SELE: variants seen among roughly 807,000 people sequenced by gnomAD.
The protein encoded by SELE is selectin E.
SELE carries 52 observed loss-of-function variants against 75.8 expected under a neutral mutation model. The ratio of observed to expected loss-of-function variants is 0.69; its 90% CI spans 0.55 to 0.86. SELE has a LOEUF of 0.86. Among genes scored for constraint, SELE ranks in the 40% least tolerant of loss-of-function variants. The probability of loss-of-function intolerance (pLI) is 0.00; values close to 1 mark genes in which losing one functional copy is unlikely to be tolerated. For missense variants in SELE, 754 were observed against 732.7 expected (o/e 1.03, Z -0.34); for synonymous variants, 285 against 258.7 (o/e 1.10, Z -0.98).
At chr1:169,732,348 A>T (rs1217681607) in intron 3 of SELE, among the ~76,000 whole-genome samples, 4 of 150,496 alleles carry the variant, frequency 2.7e-5, no homozygotes, top group Non-Finnish European at 4.4e-5. Flanking sequence ...TATATATATA[A>T]AATGTATATA....
At position 169,729,485 on chromosome 1, in the gene SELE, TAC is replaced by T. The variant is rs771886492; in HGVS notation, c.901+1_901+2del. 4 of 1,613,790 alleles carry T rather than the reference TAC, an allele frequency of 2.5e-6. No individual in the cohort carries two copies. The South Asian group carries it at 4.4e-5, about 18-fold the overall frequency. On this transcript the variant is annotated splice_donor_variant, in intron 6 of 13. Transcript: ENST00000333360. LOFTEE classifies it high-confidence loss of function. The stretch of plus-strand genomic sequence containing the variant: ...AGTAAGTCTCCATGTGGAACAACTC[TAC>T]CTTTACACGTTGGCTTCTCGTTGTC...
In SELE at chr1:169,723,663, C is replaced by A. The variant is rs1320153838; in HGVS notation, c.*862G>T. The A allele has an allele frequency of 6.6e-6, 1 of 152,224 alleles. No individual in the cohort carries two copies. The highest frequency in any genetic ancestry group is 1.5e-5 in the Non-Finnish European group (1 of 68,030). The allele number at this position is 152,224 out of a possible 1,614,324, so 9.4% of individuals were successfully genotyped here. A position where few individuals can be genotyped will look rare whatever the true frequency, so the allele number is the denominator to read the frequency against. On this transcript the variant is annotated 3_prime_UTR_variant, in exon 14 of 14. Coordinates refer to ENST00000333360, the MANE Select transcript of SELE (RefSeq NM_000450.2). ...CTCAGAACTTTATTCTGGTTAACAT[C>A]ATGCCTTGCTAGGGGACAATAGTTT...
rs1472303725 is a variant in SELE at position 169,733,579 on chromosome 1, A to C, written c.34T>G (p.Leu12Val). 1 of 1,613,958 alleles carries C rather than the reference A, an allele frequency of 6.2e-7. No individual in the cohort carries two copies. Residue 12 changes from leucine (L) to valine (V), a missense_variant, in exon 2 of 14, where the codon TTG (leucine) becomes GTG (valine). Physicochemically the swap from Leu to Val is conservative, Grantham distance 32. Transcript: ENST00000333360. The part of the protein sequence containing the change: ...IASQFLSALT[L>V]VLLIKESGAW... The stretch of plus-strand genomic sequence containing the variant: ...TGGTCTAATGGCACTGACTTACCCA[A>C]AGTGAGAGCTGAGAGAAACTGTGAA...
chr1:169,727,679 G>C, intron 9 of SELE, 60 bp downstream of exon 9: 2 of 1,568,088 alleles, frequency 1.3e-6, no homozygotes, highest in Non-Finnish European at 8.7e-7. Context: ...GGCAATCTAG[G>C]TTCAGAAACT....
At chr1:169,733,186 C>A (rs1648959941) in intron 2 of SELE, among the ~76,000 whole-genome samples, 188 bp from the exon 3 acceptor site, 1 of 152,116 alleles carries the variant, frequency 6.6e-6, no homozygotes, top group Non-Finnish European at 1.5e-5. Flanking sequence ...TTGTGACTGC[C>A]ACCCACTAGG....
chr1:169,725,812 C>T lies in SELE; in HGVS notation c.1776-11G>A, dbSNP rs1380369767. The stretch of plus-strand genomic sequence containing the variant: ...AGGCTTTGGCAGCTGCTGTGGAATA[C>T]ATGAGAACACTAGGTAAAGCACTGT... On this transcript the variant is annotated splice_polypyrimidine_tract_variant and intron_variant, in intron 12 of 13. Coordinates refer to ENST00000333360, the MANE Select transcript of SELE (RefSeq NM_000450.2). 1.2e-6 allele frequency: 2 copies of T among 1,613,864 alleles called. No individual in the cohort carries two copies. The highest frequency in any genetic ancestry group is 1.7e-5 in the Admixed American group (1 of 60,006).
chr1:169,727,295 G>C (rs907093735), intron 10 of SELE, 54 bp downstream of exon 10: 18 of 1,552,276 alleles, frequency 1.2e-5, no homozygotes, highest in Middle Eastern at 1.8e-4. Context: ...TAACAAGATA[G>C]CTCCCCCTTT....
chr1:169,728,165 C>G lies in SELE; in HGVS notation c.1172G>C (p.Gly391Ala). The G allele has an allele frequency of 6.2e-7, 1 of 1,614,180 alleles. No homozygotes were observed. Among genetic ancestry groups the G allele is most frequent in the Admixed American group, 1.7e-5 (1 of 60,030 alleles). ...LPSASGSFRY[G>A]SSCEFSCEQG... ...CTCACAGGAGAACTCACAGCTGGAC[C>G]CATAACGGAAACTGCCAGAAGCACT... The change falls in exon 8 of 14, where the codon GGG (glycine) becomes GCG (alanine). Residue 391 changes from glycine to alanine, a missense_variant. Coordinates refer to ENST00000333360, the MANE Select transcript of SELE (RefSeq NM_000450.2).
intron 3 of SELE, among the ~76,000 whole-genome samples, chr1:169,732,289 T>C (rs56386914): frequency 0.078 from 11,769 of 150,960 alleles, 559 homozygotes; most frequent in Non-Finnish European, 0.11. Flanking sequence ...TATTTATATA[T>C]ATTTTATATA....
In SELE at chr1:169,726,717, G is replaced by T. The variant is rs773892709; in HGVS notation, c.1735C>A (p.Arg579=). 4 of 1,612,688 alleles carry T rather than the reference G, an allele frequency of 2.5e-6. No homozygotes were observed. The African/African-American group carries it at 5.3e-5, about 22-fold the overall frequency. Residue 579 remains arginine, a synonymous_variant, in exon 11 of 14, where the codon CGG becomes AGG. Transcript: ENST00000333360. ...TCCTCACCTTTCCGTAAGCATTTCC[G>T]AAGCCAGAGGAGAAATGGTGCTAAT... ...LTLAPFLLWL[R]KCLRKAKKFV...
At position 169,733,631 on chromosome 1, in the gene SELE, C is replaced by A. The variant is rs1805193; in HGVS notation, c.-19G>T. On this transcript the variant is annotated 5_prime_UTR_variant, in exon 2 of 14. Transcript: ENST00000333360. ...CAATCATGACTTCAAGAGTTCTTTT[C>A]ACCCAAAGGTTTAGGCTTGAAATAC... 0.091 allele frequency: 147,024 copies of A among 1,610,688 alleles called. 7,433 individuals carry two copies. Among genetic ancestry groups the A allele is most frequent in the Middle Eastern group, 0.11 (693 of 6,058 alleles).
Position 169,725,807 on chromosome 1 carries a change from G to A in SELE, c.1776-6C>T. On this transcript the variant is annotated splice_polypyrimidine_tract_variant and splice_region_variant and intron_variant, in intron 12 of 13. Transcript: ENST00000333360. ...ATTCAAGGCTTTGGCAGCTGCTGTG[G>A]AATACATGAGAACACTAGGTAAAGC... 1 of 1,614,006 alleles carries A rather than the reference G, an allele frequency of 6.2e-7. No homozygotes were observed. The highest frequency in any genetic ancestry group is 8.5e-7 in the Non-Finnish European group (1 of 1,179,948).
chr1:169,733,689 A>C (rs1648975201), intron 1 of SELE, 29 bp from the exon 2 acceptor site: 1 of 1,429,818 alleles, frequency 7.0e-7, no homozygotes, highest in Non-Finnish European at 9.9e-7. Context: ...AAATGAATTA[A>C]AGAAGGAAAT....
chr1:169,725,681 G>T, intron 13 of SELE, 48 bp downstream of exon 13: 1 of 1,468,680 alleles, frequency 6.8e-7, no homozygotes, highest in Non-Finnish European at 9.5e-7. Context: ...AACAGAGCAT[G>T]TAGAGAAGAT....
At chr1:169,725,387 T>C (rs1253982740) in intron 13 of SELE, among the ~76,000 whole-genome samples, 1 of 131,328 alleles carries the variant, frequency 7.6e-6, no homozygotes, top group African/African-American at 2.8e-5. Context: ...CATCTCAAAA[T>C]TAAAAAAAAA....
chr1:169,733,111 C>G, intron 2 of SELE, 113 bp from the exon 3 acceptor site: 1 of 1,031,104 alleles, frequency 9.7e-7, no homozygotes, highest in Non-Finnish European at 1.4e-6. Flanking sequence ...ATGGCCCAGA[C>G]TTTTCTCATC....
chr1:169,727,564 T>C (rs1331967826), intron 9 of SELE, 39 bp from the exon 10 acceptor site: 17 of 1,586,250 alleles, frequency 1.1e-5, no homozygotes, highest in Non-Finnish European at 1.4e-5. Context: ...TTCAGAAAAA[T>C]CTACTGGAAA....
chr1:169,732,540 G>C, intron 3 of SELE, 75 bp downstream of exon 3: 2 of 1,495,496 alleles, frequency 1.3e-6, no homozygotes, highest in Non-Finnish European at 1.8e-6. Flanking sequence ...ATAGAGAGCA[G>C]TTTTTGCATG....
At chr1:169,729,106 T>G in intron 7 of SELE, 80 bp downstream of exon 7, 3 of 1,240,042 alleles carry the variant, frequency 2.4e-6, no homozygotes, top group Non-Finnish European at 3.4e-6. Context: ...TTAAAGTGGG[T>G]ATTGGTTTTT....
Sources: allele counts gnomAD v4.1 joint callset (sites outside exome capture counted in the v4.1 genomes callset), GRCh38; gene constraint gnomAD v4.1.1; transcripts MANE v1.5; gene names NCBI Gene and HGNC (gene_info 2026-07-23, HGNC 2026-07-21).